Variants in RIMS2 observed in about 807,000 individuals in gnomAD.
RIMS2 encodes regulating synaptic membrane exocytosis protein 2.
Under a neutral mutation model 174.4 loss-of-function variants are expected in RIMS2, and 59 were observed. The observed-to-expected ratio is 0.34, with a 90% CI of 0.27 to 0.42. The LOEUF (loss-of-function observed/expected upper bound fraction) is 0.42, where lower values mean the gene tolerates loss of function less well. RIMS2 is among the 10% of genes least tolerant of loss of function. RIMS2 has a pLI of 1.00. For synonymous variants in RIMS2, 606 were observed against 572.5 expected (o/e 1.06, Z -0.84); for missense variants, 1,620 against 1,666.3 (o/e 0.97, Z 0.48).
In RIMS2 at chr8:103,699,874, G is replaced by T. The variant is rs147432431; in HGVS notation, c.387+2578G>T. On this transcript the variant is annotated intron_variant, in intron 2 of 23. Transcript: ENST00000504942. ...GTATGTTATTTATTTTTCAAATATT[G>T]TGGGGTTCCTAGGGATCTTTTTGTT... Among the ~76,000 whole-genome samples the T allele has an allele frequency of 8.6e-5, 13 of 152,034 alleles. No homozygotes were observed. In the East Asian group the frequency reaches 2.5e-3, roughly 29 times the overall value.
rs760792486 is a variant in RIMS2, at chr8:103,712,167, CTTTTTTTTT to C, written c.387+14884_387+14892del. On this transcript the variant is annotated intron_variant, in intron 2 of 23. Transcript: ENST00000504942. Reference sequence around the variant, plus strand: ...CCGCCTCACCCGCTTAATTTTTAAACTTTTTTTTTTTTTTTTTTTTTAAATAGAGACAGG... The same window carrying C: ...CCGCCTCACCCGCTTAATTTTTAAACTTTTTTTTTTTTAAATAGAGACAGG... Among the ~76,000 whole-genome samples the C allele has an allele frequency of 2.4e-5, 3 of 127,274 alleles. No homozygotes were observed. The Admixed American group carries it at 2.4e-4, about 10-fold the overall frequency. The allele number at this position is 127,274 out of a possible 152,430, so 83.5% of individuals were successfully genotyped here. A position where few individuals can be genotyped will look rare whatever the true frequency, so the allele number is the denominator to read the frequency against.
intron 1 of RIMS2, among the ~76,000 whole-genome samples, chr8:103,537,106 A>G (rs778689132): frequency 2.0e-5 from 3 of 152,186 alleles, no homozygotes; most frequent in Non-Finnish European, 4.4e-5. Context: ...TCAGTTTCTC[A>G]CCCATAAAAT....
At chr8:103,897,087 T>C (rs2099286828) in intron 4 of RIMS2, among the ~76,000 whole-genome samples, 1 of 151,662 alleles carries the variant, frequency 6.6e-6, no homozygotes. Flanking sequence ...TTCCCATGGA[T>C]ATTTTCACAA....
intron 4 of RIMS2, among the ~76,000 whole-genome samples, chr8:103,896,177 G>A (rs1010940652): frequency 1.3e-5 from 2 of 151,504 alleles, no homozygotes; most frequent in South Asian, 2.1e-4. Flanking sequence ...GTTGGACCAC[G>A]CCTTAGGCTA....
chr8:103,566,978 G>A (rs560908619), intron 1 of RIMS2, among the ~76,000 whole-genome samples: 80 of 152,204 alleles, frequency 5.3e-4, no homozygotes, highest in African/African-American at 1.5e-3. Context: ...CCCTGTACCC[G>A]TTAGCACTCA....
intron 1 of RIMS2, among the ~76,000 whole-genome samples, chr8:103,548,949 A>G (rs1846333064): frequency 1.3e-5 from 2 of 152,204 alleles, no homozygotes. Context: ...ATACCTAGGA[A>G]TACAGCTAAC....
chr8:104,169,340 A>ATATATATATATAT (rs1491155725), intron 19 of RIMS2, among the ~76,000 whole-genome samples: 5 of 33,206 alleles, frequency 1.5e-4, no homozygotes, highest in South Asian at 1.4e-3. Flanking sequence ...ATATATATAT[A>ATATATATATATAT]AAACAGATTC....
At chr8:103,596,979 G>A (rs182782361) in intron 1 of RIMS2, among the ~76,000 whole-genome samples, 3 of 152,104 alleles carry the variant, frequency 2.0e-5, no homozygotes, top group East Asian at 3.9e-4. Context: ...TCAAAACAGC[G>A]CTGTTATTTC....
intron 15 of RIMS2, among the ~76,000 whole-genome samples, chr8:103,969,624 C>T (rs2092613165): frequency 6.6e-6 from 1 of 152,162 alleles, no homozygotes; most frequent in Non-Finnish European, 1.5e-5. Context: ...TATTAGAGCC[C>T]TTTGTATATT....
intron 19 of RIMS2, among the ~76,000 whole-genome samples, chr8:104,112,756 A>G (rs1011172151): frequency 3.3e-5 from 5 of 152,192 alleles, no homozygotes; most frequent in Admixed American, 2.0e-4. Context: ...TGTTGTGAGC[A>G]CTGCTGTATC....
At chr8:103,847,951 A>G (rs1244427044) in intron 3 of RIMS2, among the ~76,000 whole-genome samples, 1 of 151,920 alleles carries the variant, frequency 6.6e-6, no homozygotes, top group East Asian at 1.9e-4. Flanking sequence ...TTTCTTGGTT[A>G]TTTAATACCT....
In RIMS2 at chr8:103,809,751, G is replaced by T. The variant is rs149948988; in HGVS notation, c.698+43214G>T. ...CCATCCTCAAGTGGCTTTATAATCA[G>T]CACATATTACTGATGAGAGGATATG... On this transcript the variant is annotated intron_variant, in intron 3 of 23. Coordinates refer to ENST00000504942, the Ensembl canonical transcript of RIMS2. 5.9e-5 allele frequency among the ~76,000 whole-genome samples: 9 copies of T among 152,206 alleles called. No individual in the cohort carries two copies. The East Asian group carries it at 1.7e-3, about 29-fold the overall frequency.
chr8:103,781,087 A>C (rs1194170927), intron 3 of RIMS2, among the ~76,000 whole-genome samples: 1 of 152,168 alleles, frequency 6.6e-6, no homozygotes, highest in Non-Finnish European at 1.5e-5. Flanking sequence ...CAGGGGATCT[A>C]TGGAATATAC....
At chr8:104,165,775 A>C (rs2098793045) in intron 19 of RIMS2, among the ~76,000 whole-genome samples, 1 of 152,168 alleles carries the variant, frequency 6.6e-6, no homozygotes, top group African/African-American at 2.4e-5. Flanking sequence ...TTTAAATAGA[A>C]TATCAGACTA....
intron 3 of RIMS2, among the ~76,000 whole-genome samples, chr8:103,840,202 T>C (rs967278355): frequency 4.6e-5 from 7 of 152,152 alleles, no homozygotes; most frequent in African/African-American, 1.7e-4. Context: ...GTAATAAACA[T>C]TCATGAACAT....
intron 19 of RIMS2, among the ~76,000 whole-genome samples, chr8:104,092,963 G>A (rs2097689050): frequency 6.6e-6 from 1 of 151,816 alleles, no homozygotes; most frequent in African/African-American, 2.4e-5. Context: ...ACTTTTTCTA[G>A]TATTTCTAGG....
intron 1 of RIMS2, among the ~76,000 whole-genome samples, chr8:103,541,394 C>A (rs1339333128): frequency 2.6e-5 from 4 of 152,166 alleles, no homozygotes; most frequent in Non-Finnish European, 4.4e-5. Flanking sequence ...AGCTGTTCTT[C>A]AGAAATGAAG....
At chr8:103,885,913 G>C (rs1471953513) in exon 4 of RIMS2, 3 of 1,612,990 alleles carry the variant, frequency 1.9e-6, no homozygotes, top group Non-Finnish European at 2.5e-6. Context: ...CCCCCAGGAG[G>C]AGTCCACTAC....
Position 103,909,077 on chromosome 8 carries a change from A to G in RIMS2, c.1625-1057A>G, listed in dbSNP as rs539892485. Among the ~76,000 whole-genome samples the G allele has an allele frequency of 4.6e-5, 7 of 152,190 alleles. 1 individual carries two copies. Among genetic ancestry groups the G allele is most frequent in the African/African-American group, 1.7e-4 (7 of 41,546 alleles). Reference sequence around the variant, plus strand: ...ACTTGAGGGGTGTTTGCTGACCCCAAAGTCTAAATTAGATCTTATTGTATT... The same window carrying G: ...ACTTGAGGGGTGTTTGCTGACCCCAGAGTCTAAATTAGATCTTATTGTATT... On this transcript the variant is annotated intron_variant, in intron 4 of 23. Coordinates refer to ENST00000504942, the Ensembl canonical transcript of RIMS2.
Sources: gnomAD v4.1 joint callset for allele counts (sites outside exome capture counted in the v4.1 genomes callset) on GRCh38, gnomAD v4.1.1 for gene constraint, MANE v1.5 for transcripts, NCBI Gene and HGNC (gene_info 2026-07-23, HGNC 2026-07-21) for gene names.